Variants in APBA2 observed in about 807,000 individuals in gnomAD.
APBA2 encodes the protein amyloid-beta A4 precursor protein-binding family A member 2.
In APBA2, 30 loss-of-function variants were observed where a neutral mutation model predicts 75.0. The observed-to-expected ratio is 0.40, with a 90% CI of 0.30 to 0.54. The LOEUF (loss-of-function observed/expected upper bound fraction) is 0.54, where lower values mean the gene tolerates loss of function less well. APBA2 is among the 20% of genes least tolerant of loss of function. The pLI is 0.49. For synonymous variants in APBA2, 444 were observed against 409.6 expected, an observed-to-expected ratio of 1.08 and a Z score of -1.01; for missense variants, 801 against 1,016.1, an observed-to-expected ratio of 0.79 and a Z score of 2.88.
chr15:29,101,662 G>A lies in APBA2; in HGVS notation c.1402G>A (p.Val468Met). The change falls in exon 10 of 15, where the codon GTG becomes ATG. Residue 468 changes from valine to methionine, a missense_variant. By Grantham distance (21) the Val-to-Met change is conservative (BLOSUM62 1). This residue lies in a region of APBA2 where 367 missense variants were observed against 544.5 expected (regional missense o/e 0.67). Transcript: ENST00000683413. ...SYIADIGNIVVLMARRRMPRS... is the reference protein window; with the variant it reads ...SYIADIGNIVMLMARRRMPRS... Reference sequence around the variant, plus strand: ...CATCGCCGACATTGGGAACATTGTAGTGCTGATGGCCAGACGCCGCATGCC... The same window carrying A: ...CATCGCCGACATTGGGAACATTGTAATGCTGATGGCCAGACGCCGCATGCC... 1 of 1,613,782 alleles carries A rather than the reference G, an allele frequency of 6.2e-7. No homozygotes were observed. Among genetic ancestry groups the A allele is most frequent in the Non-Finnish European group, 8.5e-7 (1 of 1,180,040 alleles).
chr15:28,974,365 A>G (rs990030227), intron 2 of APBA2, among the ~76,000 whole-genome samples: 2 of 152,204 alleles, frequency 1.3e-5, no homozygotes, highest in African/African-American at 2.4e-5. Context: ...GTGGGGAGAC[A>G]TGAGGGACAC....
At chr15:29,106,996 A>G (rs2044449167) in intron 12 of APBA2, among the ~76,000 whole-genome samples, 177 bp downstream of exon 12, 1 of 152,036 alleles carries the variant, frequency 6.6e-6, no homozygotes, top group Non-Finnish European at 1.5e-5. Context: ...ACTCAAGACC[A>G]TTCCCCATGT....
chr15:28,899,204 GC>G (rs2032697406), intron 1 of APBA2, among the ~76,000 whole-genome samples: 1 of 152,218 alleles, frequency 6.6e-6, no homozygotes, highest in Non-Finnish European at 1.5e-5. Flanking sequence ...CTGGCTACCT[GC>G]CTCCCCAGGC....
chr15:29,036,930 G>A (rs1373211256), intron 3 of APBA2, among the ~76,000 whole-genome samples: 1 of 151,946 alleles, frequency 6.6e-6, no homozygotes, highest in Non-Finnish European at 1.5e-5. Context: ...TAAGGTAGGA[G>A]GATTGCTTGA....
chr15:28,923,003 A>G (rs2034058488), intron 2 of APBA2, among the ~76,000 whole-genome samples: 1 of 152,226 alleles, frequency 6.6e-6, no homozygotes, highest in African/African-American at 2.4e-5. Flanking sequence ...CGCCCTGTGC[A>G]GGACGCTGGG....
intron 12 of APBA2, among the ~76,000 whole-genome samples, chr15:29,107,282 C>G (rs998345221): frequency 1.3e-5 from 2 of 152,194 alleles, no homozygotes; most frequent in African/African-American, 4.8e-5. Flanking sequence ...CCCTGACCGT[C>G]AGACTCGTGA....
rs149571939 is a variant in APBA2 at position 29,090,002 on chromosome 15, C to T, written c.1070-3073C>T. ...TTAGATTTGGGTTCTGCGTTTCCTG[C>T]GGAAGTTGAGAGCTGTGCCCATGAA... On this transcript the variant is annotated intron_variant, in intron 6 of 14. Coordinates refer to ENST00000683413, the MANE Select transcript of APBA2 (RefSeq NM_001353788.2). Among the ~76,000 whole-genome samples, 461 of 152,250 alleles carry T rather than the reference C, an allele frequency of 3.0e-3. 3 individuals carry two copies. The highest frequency in any genetic ancestry group is 0.011 in the African/African-American group (440 of 41,530).
chr15:29,101,472 T>A (rs1427278307), intron 9 of APBA2, 127 bp from the exon 10 acceptor site: 2 of 960,830 alleles, frequency 2.1e-6, no homozygotes, highest in African/African-American at 3.2e-5. Flanking sequence ...CCTCAGGTGA[T>A]CTGCCTGCCT....
intron 2 of APBA2, among the ~76,000 whole-genome samples, chr15:28,979,654 C>T (rs2037519654): frequency 6.6e-6 from 1 of 152,202 alleles, no homozygotes; most frequent in Non-Finnish European, 1.5e-5. Context: ...CAGAGTGCCC[C>T]CGGCCCCGTG....
chr15:29,061,488 A>G (rs2042127303), intron 4 of APBA2, among the ~76,000 whole-genome samples: 1 of 152,256 alleles, frequency 6.6e-6, no homozygotes, highest in Admixed American at 6.5e-5. Context: ...TCCCTGACCC[A>G]GCTGGTGCTT....
At chr15:29,052,454 C>CAAA (rs61521872) in intron 3 of APBA2, among the ~76,000 whole-genome samples, 8 of 103,162 alleles carry the variant, frequency 7.8e-5, no homozygotes, top group South Asian at 5.9e-4. Context: ...GACTCCATCT[C>CAAA]AAAAAAAAAA....
intron 2 of APBA2, among the ~76,000 whole-genome samples, chr15:28,987,725 G>GAT (rs1469936230): frequency 0.028 from 3,302 of 118,346 alleles, 264 homozygotes; most frequent in African/African-American, 0.12. Context: ...AATATGTGGA[G>GAT]AGAGATATAT....
chr15:28,894,627 G>A (rs1260040619), intron 1 of APBA2, among the ~76,000 whole-genome samples: 4 of 152,214 alleles, frequency 2.6e-5, no homozygotes, highest in Admixed American at 1.3e-4. Context: ...GATGGGGGTT[G>A]GAGGGCAGTT....
At position 28,976,800 on chromosome 15, in the gene APBA2, A is replaced by G. The variant is rs183238133; in HGVS notation, c.-94-18953A>G. Among the ~76,000 whole-genome samples, 7 of 152,150 alleles carry G rather than the reference A, an allele frequency of 4.6e-5. No individual in the cohort carries two copies. In the East Asian group the frequency reaches 1.4e-3, roughly 29 times the overall value. On this transcript the variant is annotated intron_variant, in intron 2 of 14. Coordinates refer to ENST00000683413, the MANE Select transcript of APBA2 (RefSeq NM_001353788.2). ...ATTTACCTTTCTTATTCTGCCTTTC[A>G]TTGGTTTTAGTGTGGAGATTATATT... is the stretch of plus-strand genomic sequence containing the variant.
chr15:29,105,402 C>G lies in APBA2; in HGVS notation c.1548C>G (p.Ile516Met), dbSNP rs764031839. 6 of 1,612,330 alleles carry G rather than the reference C, an allele frequency of 3.7e-6. No individual in the cohort carries two copies. The South Asian group carries it at 5.5e-5, about 15-fold the overall frequency. The change falls in exon 11 of 15, where the codon ATC (isoleucine) becomes ATG (methionine). Residue 516 changes from isoleucine to methionine, a missense_variant. Physicochemically the swap from Ile to Met is conservative, Grantham distance 10. Transcript: ENST00000683413. ...SEDAQLIAQSIGQAFSVAYQE... is the reference protein window; with the variant it reads ...SEDAQLIAQSMGQAFSVAYQE... ...AGGCCCAGCTCATCGCCCAGTCTAT[C>G]GGCCAGGCCTTCAGCGTGGCCTACC...
rs141175491 is a variant in APBA2 at position 28,981,543 on chromosome 15, T to C, written c.-94-14210T>C. ...CAAGGCTCTGAGGAAAAGGGAACTC[T>C]TACACACTATTGGTAGGAATGTAAA... On this transcript the variant is annotated intron_variant, in intron 2 of 14. Coordinates refer to ENST00000683413, the MANE Select transcript of APBA2 (RefSeq NM_001353788.2). Among the ~76,000 whole-genome samples the C allele has an allele frequency of 2.2e-3, 333 of 152,336 alleles. 3 individuals carry two copies. The highest frequency in any genetic ancestry group is 7.6e-3 in the African/African-American group (317 of 41,570).
At chr15:28,969,128 T>TTTTCTTTTCTTTC (rs1555383717) in intron 2 of APBA2, among the ~76,000 whole-genome samples, 7 of 137,026 alleles carry the variant, frequency 5.1e-5, no homozygotes, top group African/African-American at 1.5e-4. Context: ...TTTCATTTCT[T>TTTTCTTTTCTTTC]TTTCTTTCTT....
chr15:29,107,136 T>G (rs1439193196), intron 12 of APBA2, among the ~76,000 whole-genome samples: 1 of 152,146 alleles, frequency 6.6e-6, no homozygotes, highest in Non-Finnish European at 1.5e-5. Flanking sequence ...CTTATCCTGC[T>G]TTGCCTGGGA....
At chr15:28,904,269 TCTC>T (rs1324877384) in intron 1 of APBA2, among the ~76,000 whole-genome samples, 2 of 152,086 alleles carry the variant, frequency 1.3e-5, no homozygotes, top group African/African-American at 2.4e-5. Flanking sequence ...CAGCATTCCT[TCTC>T]CTGGACGGTA....
Sources: gnomAD v4.1 joint callset for allele counts (sites outside exome capture counted in the v4.1 genomes callset) on GRCh38, gnomAD v4.1.1 for gene constraint, gnomAD v4.1.1 regional missense constraint, MANE v1.5 for transcripts, NCBI Gene and HGNC (gene_info 2026-07-23, HGNC 2026-07-21) for gene names.